The following DBNDD1 variants were observed in gnomAD, a reference collection of about 807,000 sequenced individuals.
DBNDD1 encodes dysbindin domain containing 1, also known as dysbindin domain-containing protein 1.
A neutral mutation model predicts 17.0 loss-of-function variants in DBNDD1; 14 were observed. That is an observed-to-expected ratio of 0.82 (90% confidence interval 0.54 to 1.29). The LOEUF (loss-of-function observed/expected upper bound fraction) is 1.29. Among genes scored for constraint, DBNDD1 ranks in the 50% most tolerant of loss-of-function variants. The pLI is 0.00. For missense variants in DBNDD1, 221 were observed against 216.2 expected (o/e 1.02, Z -0.14); for synonymous variants, 105 against 102.0 (o/e 1.03, Z -0.18).
chr16:90,015,406 G>A (rs1051222524), intron 1 of DBNDD1, among the ~76,000 whole-genome samples: 1 of 152,204 alleles, frequency 6.6e-6, no homozygotes, highest in Non-Finnish European at 1.5e-5. Flanking sequence ...GCAGCATACA[G>A]ATATGTGTTC....
At chr16:90,011,696 T>C in intron 1 of DBNDD1, 1 of 455,236 alleles carries the variant, frequency 2.2e-6, no homozygotes, top group Non-Finnish European at 4.4e-6. Flanking sequence ...TCCACTGGCA[T>C]CTGGAATGAG....
At chr16:90,010,818 C>T (rs1195923928) in intron 1 of DBNDD1, among the ~76,000 whole-genome samples, 2 of 152,228 alleles carry the variant, frequency 1.3e-5, no homozygotes, top group Non-Finnish European at 2.9e-5. Context: ...TCACTTGCCT[C>T]AGGCAGCCAG....
chr16:90,019,189 G>T lies in DBNDD1; in HGVS notation c.31+122C>A, dbSNP rs2035716396. 4.7e-6 allele frequency: 2 copies of T among 426,518 alleles called. No homozygotes were observed. The highest frequency in any genetic ancestry group is 2.1e-5 in the African/African-American group (1 of 47,984). The allele number at this position is 426,518 out of a possible 1,614,324, so 26.4% of individuals were successfully genotyped here. The stretch of plus-strand genomic sequence containing the variant: ...TGCCCCTGGCCCGCCGGACGACCCC[G>T]AGCTGCCAAAGGGGTCTTCGCGACT... On this transcript the variant is annotated intron_variant, in intron 1 of 3. Transcript: ENST00000002501. The surrounding 1 kb of genome is among the most constrained non-coding windows in gnomAD (Gnocchi z 6.1).
At chr16:90,017,375 G>A (rs930730304) in intron 1 of DBNDD1, among the ~76,000 whole-genome samples, 1 of 152,050 alleles carries the variant, frequency 6.6e-6, no homozygotes, top group Admixed American at 6.6e-5. Context: ...GGCGCCTGTA[G>A]TCCCAGCCAC....
At chr16:90,006,631 T>A in intron 3 of DBNDD1, 139 bp from the exon 4 acceptor site, 1 of 1,127,136 alleles carries the variant, frequency 8.9e-7, no homozygotes, top group Non-Finnish European at 1.2e-6. Flanking sequence ...TGCACACATC[T>A]ACCTCTAACG....
chr16:90,012,086 G>T (rs1370696812), intron 1 of DBNDD1, among the ~76,000 whole-genome samples: 1 of 152,254 alleles, frequency 6.6e-6, no homozygotes, highest in African/African-American at 2.4e-5. Flanking sequence ...GCTGCAGAGG[G>T]CGTAGCCCTG....
At chr16:90,014,404 T>C (rs928742637) in intron 1 of DBNDD1, among the ~76,000 whole-genome samples, 4 of 151,990 alleles carry the variant, frequency 2.6e-5, no homozygotes, top group Non-Finnish European at 4.4e-5. Flanking sequence ...GGATTATAGG[T>C]GTGAGCCACC....
rs774151282 is a variant in DBNDD1, at chr16:90,009,254, A to G, written c.178+30T>C. 3 of 1,610,494 alleles carry G rather than the reference A, an allele frequency of 1.9e-6. No individual in the cohort carries two copies. The South Asian group carries it at 3.3e-5, about 18-fold the overall frequency. On this transcript the variant is annotated intron_variant, in intron 2 of 3. Transcript: ENST00000002501. ...TTGGGGGAGCTCACGGGGTCCCCAT[A>G]GCGTGCGCTGGGCAGGGAGCAGTAC...
intron 1 of DBNDD1, among the ~76,000 whole-genome samples, chr16:90,016,357 G>C (rs970905693): frequency 6.6e-6 from 1 of 152,218 alleles, no homozygotes; most frequent in Non-Finnish European, 1.5e-5. Flanking sequence ...AATTCCTCAC[G>C]GGCGAGACCT....
chr16:90,018,165 A>AGCCCTC (rs1452183575), intron 1 of DBNDD1, among the ~76,000 whole-genome samples: 1 of 152,210 alleles, frequency 6.6e-6, no homozygotes, highest in Non-Finnish European at 1.5e-5. Flanking sequence ...GAGACCCCCA[A>AGCCCTC]GCCCTCACTC....
rs1224970360 is a variant in DBNDD1, at chr16:90,009,303, C to T, written c.159G>A (p.Leu53=). 3.7e-6 allele frequency: 6 copies of T among 1,613,342 alleles called. No homozygotes were observed. The highest frequency in any genetic ancestry group is 4.2e-6 in the Non-Finnish European group (5 of 1,179,992). The change falls in exon 2 of 4, where the codon CTG becomes CTA. Residue 53 remains leucine, a synonymous_variant. Transcript: ENST00000002501. ...GGIPVPAPGL[L]QVTERRQPLS... Reference sequence around the variant, plus strand: ...ACTTACGCCTCCTCTCCGTGACCTGCAGGAGCCCCGGTGCTGGTACTGGGA... The same window carrying T: ...ACTTACGCCTCCTCTCCGTGACCTGTAGGAGCCCCGGTGCTGGTACTGGGA...
At position 90,009,284 on chromosome 16, in the gene DBNDD1, G is replaced by A. The variant is rs931459964; in HGVS notation, c.178C>T (p.Gln60Ter). 14 of 1,612,978 alleles carry A rather than the reference G, an allele frequency of 8.7e-6. No individual in the cohort carries two copies. In the East Asian group the frequency reaches 8.9e-5, roughly 10 times the overall value. ...PGLLQVTERRQPLSSVSSLEV... is the reference protein window; with the variant it reads ...PGLLQVTERR ...GCGCTGGGCAGGGAGCAGTACTTAC[G>A]CCTCCTCTCCGTGACCTGCAGGAGC... The change falls in exon 2 of 4, where the codon CAG (glutamine) becomes TAG (stop). Residue 60 changes from glutamine (Q) to a stop codon, truncating the protein, a stop_gained and splice_region_variant. Transcript: ENST00000002501. LOFTEE classifies it high-confidence loss of function.
chr16:90,011,774 C>T (rs1257049501), intron 1 of DBNDD1: 2 of 418,662 alleles, frequency 4.8e-6, no homozygotes, highest in Non-Finnish European at 9.7e-6. Flanking sequence ...GCAGGGATAC[C>T]TCTCCGCCCA....
intron 1 of DBNDD1, among the ~76,000 whole-genome samples, chr16:90,015,831 G>A (rs867521699): frequency 6.6e-6 from 1 of 151,998 alleles, no homozygotes; most frequent in African/African-American, 2.4e-5. Flanking sequence ...ATCAGTGATC[G>A]TCAGAGGCTG....
At position 90,009,281 on chromosome 16, in the gene DBNDD1, T is replaced by TA. The variant is rs771727796; in HGVS notation, c.178+2dup. The TA allele has an allele frequency of 3.7e-6, 6 of 1,613,104 alleles. No homozygotes were observed. Among genetic ancestry groups the TA allele is most frequent in the South Asian group, 2.2e-5 (2 of 91,076 alleles). On this transcript the variant is annotated splice_region_variant and intron_variant, in intron 2 of 3. Transcript: ENST00000002501. ...CGTGCGCTGGGCAGGGAGCAGTACT[T>TA]ACGCCTCCTCTCCGTGACCTGCAGG...
intron 3 of DBNDD1, chr16:90,006,878 A>G (rs973149995): frequency 2.3e-5 from 4 of 176,660 alleles, no homozygotes; most frequent in Admixed American, 1.7e-4. Flanking sequence ...CCTCTGCCCC[A>G]TCATGGGCCT....
Position 90,009,323 on chromosome 16 carries a change from C to A in DBNDD1, c.139G>T (p.Val47Leu). 1 of 1,613,582 alleles carries A rather than the reference C, an allele frequency of 6.2e-7. No homozygotes were observed. Among genetic ancestry groups the A allele is most frequent in the Non-Finnish European group, 8.5e-7 (1 of 1,179,998 alleles). Residue 47 changes from valine (V) to leucine (L), a missense_variant, in exon 2 of 4, where the codon GTA becomes TTA. Val to Leu is a conservative substitution (Grantham distance 32). Transcript: ENST00000002501. ...ACCTGCAGGAGCCCCGGTGCTGGTACTGGGATGCCCCCGACCTCCTCCTCC... is the reference window on the plus strand; with the variant it reads ...ACCTGCAGGAGCCCCGGTGCTGGTAATGGGATGCCCCCGACCTCCTCCTCC... ...PVEEEVGGIP[V>L]PAPGLLQVTE...
intron 1 of DBNDD1, among the ~76,000 whole-genome samples, chr16:90,015,333 C>T (rs1321208481): frequency 6.6e-6 from 1 of 152,188 alleles, no homozygotes. Flanking sequence ...GCATGAAGAG[C>T]GTGCAGCTGC....
chr16:90,012,231 G>A (rs1191672087), intron 1 of DBNDD1, among the ~76,000 whole-genome samples: 7 of 152,204 alleles, frequency 4.6e-5, no homozygotes, highest in Non-Finnish European at 7.4e-5. Context: ...GAGCAGGTAC[G>A]AGTGGGGAAC....
Sources: allele counts gnomAD v4.1 joint callset (sites outside exome capture counted in the v4.1 genomes callset), GRCh38; gene constraint gnomAD v4.1.1; non-coding constraint Gnocchi (gnomAD v3.1); transcripts MANE v1.5; gene names NCBI Gene and HGNC (gene_info 2026-07-23, HGNC 2026-07-21).